Variants in CFAP97D2 observed in about 807,000 individuals in gnomAD.
CFAP97D2 encodes uncharacterized protein CFAP97D2.
chr13:114,205,134 G>A (rs2080933731), intron 3 of CFAP97D2, among the ~76,000 whole-genome samples: 1 of 152,184 alleles, frequency 6.6e-6, no homozygotes, highest in South Asian at 2.1e-4. Flanking sequence ...AGCACTTCAC[G>A]CCTATCAGAT....
At chr13:114,216,671 T>G (rs1382272336) in intron 4 of CFAP97D2, among the ~76,000 whole-genome samples, 1 of 152,238 alleles carries the variant, frequency 6.6e-6, no homozygotes, top group Non-Finnish European at 1.5e-5. Flanking sequence ...GTGCCACATT[T>G]TCTTAATCCA....
rs1162309158 is a variant in CFAP97D2 at position 114,207,357 on chromosome 13, G to T, written c.291-4555G>T. ...TTGATATTACATTGTAATATAGAAT[G>T]AAGTAATTATACAACTCAACATCAT... On this transcript the variant is annotated intron_variant, in intron 3 of 4. Transcript: ENST00000646158. The surrounding 1 kb of genome is among the most constrained non-coding windows in gnomAD (Gnocchi z 4.9). Among the ~76,000 whole-genome samples the T allele has an allele frequency of 2.6e-5, 4 of 152,150 alleles. No homozygotes were observed. Among genetic ancestry groups the T allele is most frequent in the Non-Finnish European group, 4.4e-5 (3 of 68,014 alleles).
rs1488444231 is a variant in CFAP97D2, at chr13:114,207,179, C to T, written c.291-4733C>T. On this transcript the variant is annotated intron_variant, in intron 3 of 4. Transcript: ENST00000646158. This position sits in a 1 kb window ranked among gnomAD's most constrained non-coding sequence, Gnocchi z 4.9. Reference sequence around the variant, plus strand: ...TGCTCCCCTGCCGCTGCAAGGGCAGCACCATGCAGGGCACACAGAAAGTCC... The same window carrying T: ...TGCTCCCCTGCCGCTGCAAGGGCAGTACCATGCAGGGCACACAGAAAGTCC... Among the ~76,000 whole-genome samples, 1 of 152,210 alleles carries T rather than the reference C, an allele frequency of 6.6e-6. No homozygotes were observed. Among genetic ancestry groups the T allele is most frequent in the Non-Finnish European group, 1.5e-5 (1 of 68,030 alleles).
At chr13:114,188,523 A>G (rs1442413291) in intron 1 of CFAP97D2, among the ~76,000 whole-genome samples, 2 of 152,118 alleles carry the variant, frequency 1.3e-5, no homozygotes, top group Admixed American at 1.3e-4. Flanking sequence ...CATGCCTGTA[A>G]TCCCAGCCCT....
At chr13:114,183,027 TA>T (rs1435829199) in intron 1 of CFAP97D2, among the ~76,000 whole-genome samples, 1 of 152,174 alleles carries the variant, frequency 6.6e-6, no homozygotes, top group Non-Finnish European at 1.5e-5. Context: ...TTCCCTGTGC[TA>T]CCTGGACTTC....
At chr13:114,194,389 A>G (rs78740688) in intron 1 of CFAP97D2, among the ~76,000 whole-genome samples, 10,867 of 152,306 alleles carry the variant, frequency 0.071, 423 homozygotes, top group Middle Eastern at 0.14. Context: ...CAGAAACTCT[A>G]CAGGACAAAT....
intron 1 of CFAP97D2, among the ~76,000 whole-genome samples, chr13:114,191,444 T>C (rs1232613041): frequency 6.6e-6 from 1 of 152,052 alleles, no homozygotes; most frequent in Non-Finnish European, 1.5e-5. Context: ...ACAATCCAAT[T>C]TAAAAATTAG....
At chr13:114,210,860 A>ACT (rs1051774123) in intron 3 of CFAP97D2, among the ~76,000 whole-genome samples, 1 of 149,530 alleles carries the variant, frequency 6.7e-6, no homozygotes, top group Non-Finnish European at 1.5e-5. Flanking sequence ...ATTGATACAC[A>ACT]CACACACACA....
chr13:114,180,691 G>C (rs992064859), intron 1 of CFAP97D2, among the ~76,000 whole-genome samples: 1 of 152,210 alleles, frequency 6.6e-6, no homozygotes, highest in African/African-American at 2.4e-5. Context: ...TTGTCAGTAG[G>C]GAAAGATGGA....
At chr13:114,200,647 C>T (rs1260651271) in intron 3 of CFAP97D2, among the ~76,000 whole-genome samples, 6 of 152,334 alleles carry the variant, frequency 3.9e-5, no homozygotes, top group African/African-American at 1.4e-4. Flanking sequence ...TAGGCTGTTT[C>T]CGCAACCCAC....
Position 114,203,116 on chromosome 13 carries a change from G to A in CFAP97D2, c.290+2673G>A, listed in dbSNP as rs913302213. 2.0e-5 allele frequency among the ~76,000 whole-genome samples: 3 copies of A among 152,152 alleles called. No individual in the cohort carries two copies. Among genetic ancestry groups the A allele is most frequent in the South Asian group, 2.1e-4 (1 of 4,828 alleles). On this transcript the variant is annotated intron_variant, in intron 3 of 4. Transcript: ENST00000646158. The surrounding 1 kb of genome is among the most constrained non-coding windows in gnomAD (Gnocchi z 4.3). Reference sequence around the variant, plus strand: ...AAATAAAAGACATCGAAATTGGGAAGGAAGAAGCAAACTATTTCTATTCAC... The same window carrying A: ...AAATAAAAGACATCGAAATTGGGAAAGAAGAAGCAAACTATTTCTATTCAC...
chr13:114,192,186 A>C (rs961972888), intron 1 of CFAP97D2, among the ~76,000 whole-genome samples: 2 of 152,178 alleles, frequency 1.3e-5, no homozygotes, highest in Non-Finnish European at 2.9e-5. Flanking sequence ...GACTCATAGA[A>C]TATGTGACAC....
chr13:114,182,863 T>C (rs2080841727), intron 1 of CFAP97D2, among the ~76,000 whole-genome samples: 1 of 152,230 alleles, frequency 6.6e-6, no homozygotes, highest in Non-Finnish European at 1.5e-5. Flanking sequence ...CAGGTCTTTT[T>C]CAGAATGGAG....
Position 114,180,484 on chromosome 13 carries a change from G to A in CFAP97D2, c.90+1064G>A, listed in dbSNP as rs1169375677. On this transcript the variant is annotated intron_variant, in intron 1 of 4. Coordinates refer to ENST00000646158, the Ensembl canonical transcript of CFAP97D2. ...GCTCAACCTCACTTCCTGGCACTCC[G>A]GTTCCAATATCATCTCCCTGGAGTC... Among the ~76,000 whole-genome samples the A allele has an allele frequency of 2.6e-5, 4 of 152,056 alleles. No homozygotes were observed. The East Asian group carries it at 5.8e-4, about 22-fold the overall frequency.
At chr13:114,202,050 C>T (rs956178380) in intron 3 of CFAP97D2, among the ~76,000 whole-genome samples, 12 of 152,336 alleles carry the variant, frequency 7.9e-5, no homozygotes, top group Admixed American at 4.6e-4. Context: ...CTCTGCCCAT[C>T]GAAGGTTCCC....
At chr13:114,190,196 T>C (rs2080864341) in intron 1 of CFAP97D2, among the ~76,000 whole-genome samples, 1 of 152,158 alleles carries the variant, frequency 6.6e-6, no homozygotes, top group South Asian at 2.1e-4. Flanking sequence ...TACTTAATAC[T>C]GAGAAACTTG....
intron 1 of CFAP97D2, among the ~76,000 whole-genome samples, chr13:114,195,930 A>C (rs895791598): frequency 4.0e-5 from 6 of 151,816 alleles, no homozygotes; most frequent in African/African-American, 1.2e-4. Flanking sequence ...AAAAAAAAAA[A>C]AAACTAGCTG....
At chr13:114,218,631 A>G (rs2081006317) in intron 4 of CFAP97D2, among the ~76,000 whole-genome samples, 1 of 152,228 alleles carries the variant, frequency 6.6e-6, no homozygotes, top group African/African-American at 2.4e-5. Context: ...AAACTATACT[A>G]CAAGGCTACA....
intron 1 of CFAP97D2, among the ~76,000 whole-genome samples, chr13:114,181,114 C>T (rs1371010117): frequency 3.3e-5 from 5 of 152,220 alleles, no homozygotes; most frequent in African/African-American, 9.7e-5. Flanking sequence ...ACCTATGATT[C>T]TGGCACGAAA....
Sources: allele counts gnomAD v4.1 joint callset (sites outside exome capture counted in the v4.1 genomes callset), GRCh38; gene constraint gnomAD v4.1.1; non-coding constraint Gnocchi (gnomAD v3.1); transcripts MANE v1.5; gene names NCBI Gene and HGNC (gene_info 2026-07-23, HGNC 2026-07-21).